The following ZNF385D variants were observed in gnomAD, a reference collection of about 807,000 sequenced individuals.
ZNF385D encodes zinc finger protein 385D.
ZNF385D carries 15 observed loss-of-function variants against 35.8 expected under a neutral mutation model. The ratio of observed to expected loss-of-function variants is 0.42; its 90% CI spans 0.28 to 0.64. ZNF385D has a LOEUF of 0.64. Ranked by LOEUF, ZNF385D falls within the 30% of genes least tolerant of loss-of-function variation. ZNF385D has a pLI of 0.23. For synonymous variants in ZNF385D, 212 were observed against 186.8 expected (o/e 1.13, Z -1.10); for missense variants, 474 against 494.6 (o/e 0.96, Z 0.39).
rs576936401 is a variant in ZNF385D, at chr3:22,241,322, T to C, written c.107-72287A>G. The stretch of plus-strand genomic sequence containing the variant: ...CAACCTACAGAGGACAGTGTTCCCT[T>C]GCACTCATCCTCCCTGACTCCTTAT... On this transcript the variant is annotated intron_variant, in intron 2 of 5. Transcript: ENST00000494108. Among the ~76,000 whole-genome samples the C allele has an allele frequency of 3.2e-4, 48 of 151,214 alleles. 1 individual carries two copies. The highest frequency in any genetic ancestry group is 1.1e-3 in the African/African-American group (46 of 40,972).
At chr3:22,284,743 C>T (rs1336933154) in intron 2 of ZNF385D, among the ~76,000 whole-genome samples, 1 of 152,062 alleles carries the variant, frequency 6.6e-6, no homozygotes, top group East Asian at 1.9e-4. Flanking sequence ...ATGAATCATT[C>T]ATTCTTATGA....
At chr3:22,276,303 C>T (rs1438704310) in intron 2 of ZNF385D, among the ~76,000 whole-genome samples, 1 of 152,054 alleles carries the variant, frequency 6.6e-6, no homozygotes, top group African/African-American at 2.4e-5. Context: ...TAAGTCTGTC[C>T]TTTAATTTCC....
At chr3:22,068,159 C>A (rs1251621174) in intron 3 of ZNF385D, among the ~76,000 whole-genome samples, 3 of 152,172 alleles carry the variant, frequency 2.0e-5, no homozygotes, top group Non-Finnish European at 4.4e-5. Context: ...TACGGTTCAT[C>A]TGCCTTACTT....
chr3:22,133,998 G>C (rs966745049), intron 3 of ZNF385D: 19 of 151,992 alleles, frequency 1.3e-4, no homozygotes, highest in African/African-American at 4.6e-4. Flanking sequence ...GTAAACTATA[G>C]AAAGGCAGAA....
chr3:21,936,883 G>A (rs537606360), intron 3 of ZNF385D, among the ~76,000 whole-genome samples: 14 of 152,158 alleles, frequency 9.2e-5, no homozygotes, highest in Non-Finnish European at 2.1e-4. Context: ...AGGAATAGTT[G>A]TAACTAGGTT....
intron 3 of ZNF385D, among the ~76,000 whole-genome samples, chr3:22,037,629 T>C (rs1473545913): frequency 1.3e-5 from 2 of 152,190 alleles, no homozygotes; most frequent in East Asian, 1.9e-4. Context: ...GATGAGTAGA[T>C]TGCAAAAATT....
At chr3:22,053,389 A>G (rs1699370255) in intron 3 of ZNF385D, among the ~76,000 whole-genome samples, 1 of 30,846 alleles carries the variant, frequency 3.2e-5, no homozygotes, top group African/African-American at 1.2e-4. Flanking sequence ...CTAATAAAGA[A>G]AAAAAGAGAG....
At position 22,073,569 on chromosome 3, in the gene ZNF385D, A is replaced by G. The variant is rs1028782739; in HGVS notation, c.325+95248T>C. 3.9e-5 allele frequency among the ~76,000 whole-genome samples: 6 copies of G among 152,016 alleles called. No homozygotes were observed. In the East Asian group the frequency reaches 9.6e-4, roughly 24 times the overall value. The stretch of plus-strand genomic sequence containing the variant: ...ATTATTGGCAAGGAATAAAAAAGCA[A>G]GGGTTCTAGCCTCATTTATGCCATG... On this transcript the variant is annotated intron_variant, in intron 3 of 5. Coordinates refer to the ZNF385D transcript ENST00000494108.
chr3:21,890,698 C>G (rs942965511), intron 3 of ZNF385D, among the ~76,000 whole-genome samples: 3 of 152,074 alleles, frequency 2.0e-5, no homozygotes, highest in Admixed American at 2.0e-4. Context: ...AGAAAAGATG[C>G]TATTTTCTTA....
chr3:22,108,943 C>G (rs542110097), intron 3 of ZNF385D, among the ~76,000 whole-genome samples: 3 of 152,018 alleles, frequency 2.0e-5, no homozygotes, highest in Non-Finnish European at 2.9e-5. Flanking sequence ...ACCTGAGAAG[C>G]GGAGGTTGCA....
At chr3:21,971,254 A>G (rs1402891064) in intron 3 of ZNF385D, among the ~76,000 whole-genome samples, 5 of 152,132 alleles carry the variant, frequency 3.3e-5, no homozygotes, top group African/African-American at 1.2e-4. Flanking sequence ...CAAAAATAAT[A>G]ACTACAACAA....
chr3:21,493,200 G>C (rs1477884061), intron 4 of ZNF385D, among the ~76,000 whole-genome samples: 1 of 152,038 alleles, frequency 6.6e-6, no homozygotes, highest in African/African-American at 2.4e-5. Flanking sequence ...CAAGAAGGCA[G>C]ATGCTAAGTC....
intron 3 of ZNF385D, among the ~76,000 whole-genome samples, chr3:21,967,397 C>T (rs925446584): frequency 6.6e-6 from 1 of 152,146 alleles, no homozygotes; most frequent in African/African-American, 2.4e-5. Context: ...AAGCGTGGAA[C>T]TTCTACTTCC....
At chr3:21,540,051 G>A (rs2062134965) in intron 3 of ZNF385D, among the ~76,000 whole-genome samples, 1 of 152,032 alleles carries the variant, frequency 6.6e-6, no homozygotes, top group Admixed American at 6.6e-5. Context: ...ACTTGCAAAC[G>A]TTCTAGTAAT....
chr3:22,027,127 GTGT>G (rs1697608721), intron 3 of ZNF385D, among the ~76,000 whole-genome samples: 1 of 152,186 alleles, frequency 6.6e-6, no homozygotes, highest in African/African-American at 2.4e-5. Flanking sequence ...TACCTCAGGG[GTGT>G]ATTAGCTCAG....
At chr3:22,150,919 G>C (rs1705185418) in intron 3 of ZNF385D, among the ~76,000 whole-genome samples, 2 of 152,158 alleles carry the variant, frequency 1.3e-5, no homozygotes. Flanking sequence ...TAACGGACTA[G>C]AGAGTAAATC....
At chr3:21,460,496 A>G (rs528673357) in intron 4 of ZNF385D, among the ~76,000 whole-genome samples, 2 of 151,904 alleles carry the variant, frequency 1.3e-5, no homozygotes, top group African/African-American at 4.9e-5. Flanking sequence ...ATCAATAGGA[A>G]CAAAATAAAT....
At chr3:21,628,932 C>G (rs781160258) in intron 2 of ZNF385D, among the ~76,000 whole-genome samples, 2 of 152,094 alleles carry the variant, frequency 1.3e-5, no homozygotes, top group African/African-American at 2.4e-5. Context: ...TTTTATGACT[C>G]CATGTACCTT....
At chr3:22,357,155 A>G (rs1014300031) in intron 2 of ZNF385D, among the ~76,000 whole-genome samples, 1 of 151,962 alleles carries the variant, frequency 6.6e-6, no homozygotes, top group East Asian at 1.9e-4. Flanking sequence ...TTCGGATGGG[A>G]AGAAAAATAG....
Sources: gnomAD v4.1 joint callset for allele counts (sites outside exome capture counted in the v4.1 genomes callset) on GRCh38, gnomAD v4.1.1 for gene constraint, MANE v1.5 for transcripts, NCBI Gene and HGNC (gene_info 2026-07-23, HGNC 2026-07-21) for gene names.